Variants in TPD52L1 observed in about 807,000 individuals in gnomAD.
TPD52L1 encodes the protein tumor protein D53.
Under a neutral mutation model 28.7 loss-of-function variants are expected in TPD52L1, and 18 were observed. That is an observed-to-expected ratio of 0.63 (90% CI 0.43 to 0.93). TPD52L1 has a LOEUF of 0.93. Ranked by LOEUF, TPD52L1 falls within the 40% of genes least tolerant of loss-of-function variation. The pLI is 0.00. For synonymous variants in TPD52L1, 75 were observed against 88.8 expected, an observed-to-expected ratio of 0.84 and a Z score of 0.88; for missense variants, 203 against 254.8, an observed-to-expected ratio of 0.80 and a Z score of 1.39.
intron 1 of TPD52L1, among the ~76,000 whole-genome samples, chr6:125,165,085 GAT>G: frequency 2.1e-5 from 1 of 46,762 alleles, no homozygotes; most frequent in Admixed American, 2.8e-4. Context: ...TTAAAAAAAA[GAT>G]ATATATATAT....
chr6:125,251,566 C>A (rs555241175), intron 4 of TPD52L1, among the ~76,000 whole-genome samples: 1 of 152,100 alleles, frequency 6.6e-6, no homozygotes, highest in African/African-American at 2.4e-5. Flanking sequence ...TGGAATTGCC[C>A]ACTCTCTTTC....
chr6:125,172,105 TTTCTTTCTTTCTTTCTTTC>T (rs1562209907), intron 1 of TPD52L1, among the ~76,000 whole-genome samples: 1 of 54,190 alleles, frequency 1.8e-5, no homozygotes, highest in African/African-American at 7.8e-5. Context: ...TTTCCCTTTC[TTTCTTTCTTTCTTTCTTTC>T]TTTCTTTCTT....
At position 125,153,823 on chromosome 6, in the gene TPD52L1, C is replaced by G; in HGVS notation, c.-129C>G. 1 of 1,119,602 alleles carries G rather than the reference C, an allele frequency of 8.9e-7. No homozygotes were observed. The allele number at this position is 1,119,602 out of a possible 1,614,324, so 69.4% of individuals were successfully genotyped here. A position where few individuals can be genotyped will look rare whatever the true frequency, so the allele number is the denominator to read the frequency against. On this transcript the variant is annotated 5_prime_UTR_variant, in exon 1 of 7. Coordinates refer to ENST00000534000, the MANE Select transcript of TPD52L1 (RefSeq NM_003287.4). ...CGTCCCCAACCCCCTCCGCGCAGCG[C>G]TCGCGACACGCGTGCCAGGAGTGGG...
At chr6:125,259,040 T>C (rs1417480891) in intron 6 of TPD52L1, among the ~76,000 whole-genome samples, 2 of 152,210 alleles carry the variant, frequency 1.3e-5, no homozygotes, top group Non-Finnish European at 2.9e-5. Context: ...GTATAACCCT[T>C]TTTTATATAG....
At chr6:125,198,495 C>G (rs1793589458) in intron 1 of TPD52L1, among the ~76,000 whole-genome samples, 1 of 152,136 alleles carries the variant, frequency 6.6e-6, no homozygotes. Context: ...AAACACATGA[C>G]CAGCTTCCAA....
At chr6:125,253,582 T>A in intron 4 of TPD52L1, 135 bp from the exon 5 acceptor site, 1 of 789,028 alleles carries the variant, frequency 1.3e-6, no homozygotes. Flanking sequence ...AAATGTCATC[T>A]TGGTTAGATG....
intron 2 of TPD52L1, among the ~76,000 whole-genome samples, chr6:125,222,617 T>C (rs1191680623): frequency 6.6e-6 from 1 of 152,210 alleles, no homozygotes; most frequent in Non-Finnish European, 1.5e-5. Flanking sequence ...AAATAAAAGC[T>C]GTTGGGACTT....
intron 1 of TPD52L1, among the ~76,000 whole-genome samples, chr6:125,216,218 T>C (rs961609901): frequency 2.6e-5 from 4 of 152,136 alleles, no homozygotes; most frequent in African/African-American, 4.8e-5. Flanking sequence ...CATAGGTTGC[T>C]GATGTTGCAT....
At position 125,186,001 on chromosome 6, in the gene TPD52L1, C is replaced by A. The variant is rs1361220283; in HGVS notation, c.19+32031C>A. ...CTCTGCCTCCCAGGTTCAAGCAATTCTTCTGCCTCAGCCTCCTGAGTAGCT... is the reference window on the plus strand; with the variant it reads ...CTCTGCCTCCCAGGTTCAAGCAATTATTCTGCCTCAGCCTCCTGAGTAGCT... On this transcript the variant is annotated intron_variant, in intron 1 of 6. Coordinates refer to ENST00000534000, the MANE Select transcript of TPD52L1 (RefSeq NM_003287.4). 3.4e-5 allele frequency among the ~76,000 whole-genome samples: 5 copies of A among 149,070 alleles called. No individual in the cohort carries two copies. The South Asian group carries it at 6.3e-4, about 19-fold the overall frequency.
intron 2 of TPD52L1, among the ~76,000 whole-genome samples, chr6:125,225,847 T>C (rs1440307503): frequency 6.6e-6 from 1 of 152,148 alleles, no homozygotes; most frequent in Non-Finnish European, 1.5e-5. Flanking sequence ...TCTAAGGCCT[T>C]GAACTCTCAG....
At position 125,264,308 on chromosome 6, in the gene TPD52L1, T is replaced by C. The variant is rs766839956; in HGVS notation, c.*1346T>C. The C allele has an allele frequency of 2.0e-5, 3 of 152,340 alleles. No homozygotes were observed. The highest frequency in any genetic ancestry group is 3.4e-3 in the Middle Eastern group (1 of 294). 9.4% of individuals were successfully genotyped at this position (152,340 alleles called of 1,614,324 possible). A position where few individuals can be genotyped will look rare whatever the true frequency, so the allele number is the denominator to read the frequency against. ...TTAAAAAGCCCATATAATATATACA[T>C]ATTTGTTAGCATGCTAATTGTTCAT... On this transcript the variant is annotated 3_prime_UTR_variant, in exon 7 of 7. Transcript: ENST00000534000.
At chr6:125,162,542 G>C (rs1034949292) in intron 1 of TPD52L1, among the ~76,000 whole-genome samples, 2 of 152,116 alleles carry the variant, frequency 1.3e-5, no homozygotes, top group African/African-American at 4.8e-5. Context: ...TGCAGTAATA[G>C]CAAATATTTG....
intron 1 of TPD52L1, among the ~76,000 whole-genome samples, chr6:125,173,361 G>A (rs1046852398): frequency 1.3e-5 from 2 of 152,182 alleles, no homozygotes; most frequent in Non-Finnish European, 2.9e-5. Flanking sequence ...CCTCCCTATT[G>A]TAAATCTAAA....
chr6:125,207,799 G>A (rs777824313), intron 1 of TPD52L1, among the ~76,000 whole-genome samples: 37 of 152,278 alleles, frequency 2.4e-4, no homozygotes, highest in Non-Finnish European at 4.3e-4. Flanking sequence ...CTAGGAGTCT[G>A]GAATCTGCCA....
intron 1 of TPD52L1, among the ~76,000 whole-genome samples, chr6:125,160,497 T>C (rs1250087063): frequency 1.3e-5 from 2 of 152,154 alleles, no homozygotes; most frequent in African/African-American, 4.8e-5. Flanking sequence ...AGTGTTGGGA[T>C]TACAGTCATG....
At chr6:125,180,579 C>T (rs1000142717) in intron 1 of TPD52L1, among the ~76,000 whole-genome samples, 4 of 151,634 alleles carry the variant, frequency 2.6e-5, no homozygotes, top group South Asian at 4.2e-4. Flanking sequence ...TACACACACA[C>T]ACACACACAC....
Position 125,229,165 on chromosome 6 carries a change from A to G in TPD52L1, c.183A>G (p.Glu61=), listed in dbSNP as rs1310057361. 1.7e-5 allele frequency: 27 copies of G among 1,613,494 alleles called. No homozygotes were observed. The highest frequency in any genetic ancestry group is 1.6e-4 in the Middle Eastern group (1 of 6,074). ...TTLRQVLSAK[E]RHLVEIKQKL... is the part of the protein sequence containing the mutation. ...TACGACAAGTTTTGTCAGCGAAAGA[A>G]AGGCATCTAGTTGAGATAAAACAAA... The change falls in exon 3 of 7, where the codon GAA becomes GAG. Residue 61 remains glutamate, a synonymous_variant. Transcript: ENST00000534000.
chr6:125,252,053 T>C (rs1797305115), intron 4 of TPD52L1: 4 of 1,535,962 alleles, frequency 2.6e-6, no homozygotes, highest in Middle Eastern at 1.7e-4. Flanking sequence ...GCCACAGGGC[T>C]GCGTGTGGGG....
intron 1 of TPD52L1, among the ~76,000 whole-genome samples, chr6:125,187,287 C>T (rs1294499952): frequency 6.6e-6 from 1 of 152,084 alleles, no homozygotes; most frequent in Non-Finnish European, 1.5e-5. Context: ...TATGATAATT[C>T]CAATTGCTGA....
Sources: allele counts gnomAD v4.1 joint callset (sites outside exome capture counted in the v4.1 genomes callset), GRCh38; gene constraint gnomAD v4.1.1; transcripts MANE v1.5; gene names NCBI Gene and HGNC (gene_info 2026-07-23, HGNC 2026-07-21).